The following CDH4 variants were observed in gnomAD, a reference collection of about 807,000 sequenced individuals.
The protein encoded by CDH4 is cadherin 4, also known as cadherin-4.
In CDH4, 33 loss-of-function variants were observed where a neutral mutation model predicts 86.0. The ratio of observed to expected loss-of-function variants is 0.38; its 90% confidence interval spans 0.29 to 0.51. CDH4 has a LOEUF of 0.51. CDH4 is among the 20% of genes least tolerant of loss of function. The pLI, the probability that CDH4 is intolerant of heterozygous loss-of-function variation, is 0.86. For synonymous variants in CDH4, 555 were observed against 549.4 expected (o/e 1.01, Z -0.14); for missense variants, 1,114 against 1,307.4 (o/e 0.85, Z 2.28).
rs558926708 is a variant in CDH4 at position 61,891,422 on chromosome 20, AG to A, written c.1051-3487del. Among the ~76,000 whole-genome samples, 25 of 152,232 alleles carry A rather than the reference AG, an allele frequency of 1.6e-4. No homozygotes were observed. In the South Asian group the frequency reaches 5.2e-3, roughly 32 times the overall value. On this transcript the variant is annotated intron_variant, in intron 7 of 15. Coordinates refer to ENST00000614565, the MANE Select transcript of CDH4 (RefSeq NM_001794.5). ...GGAACCCTCTCCTGCAGGGGGCCTG[AG>A]CCGCCCACTCTCCCCGGCCCTGCAG...
intron 2 of CDH4, among the ~76,000 whole-genome samples, chr20:61,374,551 A>G (rs949430054): frequency 6.6e-6 from 1 of 152,162 alleles, no homozygotes; most frequent in Non-Finnish European, 1.5e-5. Flanking sequence ...AGATGGGATG[A>G]CGGTAGTACC....
At chr20:61,355,026 G>A (rs1045581535) in intron 2 of CDH4, among the ~76,000 whole-genome samples, 1 of 148,390 alleles carries the variant, frequency 6.7e-6, no homozygotes, top group Non-Finnish European at 1.5e-5. Context: ...AATTCTTGCT[G>A]GCTTTGGGGT....
intron 2 of CDH4, among the ~76,000 whole-genome samples, chr20:61,699,172 T>TCC (rs2087746517): frequency 2.6e-5 from 4 of 152,272 alleles, no homozygotes; most frequent in African/African-American, 9.6e-5. Flanking sequence ...ACAGGCGCTC[T>TCC]GACCTTCTCC....
At chr20:61,490,241 A>G (rs986693438) in intron 2 of CDH4, among the ~76,000 whole-genome samples, 4 of 152,202 alleles carry the variant, frequency 2.6e-5, no homozygotes, top group African/African-American at 9.6e-5. Flanking sequence ...ACTGGGGTTC[A>G]TCCATGTGGT....
intron 8 of CDH4, among the ~76,000 whole-genome samples, chr20:61,909,228 C>T (rs999708541): frequency 3.9e-5 from 6 of 152,232 alleles, no homozygotes; most frequent in African/African-American, 1.2e-4. Flanking sequence ...GATGCTCCAG[C>T]GCCCGTCCTG....
At chr20:61,840,895 G>A (rs1982132965) in intron 4 of CDH4, among the ~76,000 whole-genome samples, 1 of 152,258 alleles carries the variant, frequency 6.6e-6, no homozygotes, top group Admixed American at 6.5e-5. Flanking sequence ...GGCCAAACGG[G>A]CCTGGAGAAT....
chr20:61,672,413 C>A (rs191248791), intron 2 of CDH4, among the ~76,000 whole-genome samples: 1 of 152,144 alleles, frequency 6.6e-6, no homozygotes, highest in Non-Finnish European at 1.5e-5. Context: ...TTATGCAAAG[C>A]CCAGTCCATC....
At chr20:61,555,389 T>C (rs2086169958) in intron 2 of CDH4, among the ~76,000 whole-genome samples, 1 of 152,194 alleles carries the variant, frequency 6.6e-6, no homozygotes, top group Non-Finnish European at 1.5e-5. Flanking sequence ...TGCAGGTAAC[T>C]GGGTGGGACC....
At position 61,662,443 on chromosome 20, in the gene CDH4, C is replaced by T. The variant is rs147489950; in HGVS notation, c.170-81120C>T. Among the ~76,000 whole-genome samples, 967 of 152,370 alleles carry T rather than the reference C, an allele frequency of 6.3e-3. 7 individuals carry two copies. Among genetic ancestry groups the T allele is most frequent in the Admixed American group, 0.011 (173 of 15,310 alleles). ...CAGCTCCGTGCGCGGCTTCACCATTCCGAGCTTGGGAGGACGAGGGCGGCT... is the reference window on the plus strand; with the variant it reads ...CAGCTCCGTGCGCGGCTTCACCATTTCGAGCTTGGGAGGACGAGGGCGGCT... On this transcript the variant is annotated intron_variant, in intron 2 of 15. Transcript: ENST00000614565.
intron 2 of CDH4, among the ~76,000 whole-genome samples, chr20:61,640,655 G>A (rs1229717459): frequency 1.3e-5 from 2 of 152,212 alleles, no homozygotes; most frequent in African/African-American, 4.8e-5. Flanking sequence ...GACTGGAGAT[G>A]CATCTTTAAG....
At chr20:61,898,330 C>T (rs903964922) in intron 8 of CDH4, among the ~76,000 whole-genome samples, 1 of 152,240 alleles carries the variant, frequency 6.6e-6, no homozygotes, top group Non-Finnish European at 1.5e-5. Context: ...AAGTTATTTT[C>T]CCTTCACTGG....
At chr20:61,924,509 G>A in intron 11 of CDH4, 33 bp downstream of exon 11, 1 of 1,601,008 alleles carries the variant, frequency 6.2e-7, no homozygotes, top group South Asian at 1.1e-5. Flanking sequence ...AGCCGTCTCG[G>A]TGGCCTTCCC....
At chr20:61,674,633 A>G (rs1568748264) in intron 2 of CDH4, among the ~76,000 whole-genome samples, 1 of 152,234 alleles carries the variant, frequency 6.6e-6, no homozygotes, top group Admixed American at 6.5e-5. Flanking sequence ...AACAGGCAAC[A>G]TCCTTGTTAA....
Position 61,544,191 on chromosome 20 carries a change from G to A in CDH4, c.170-199372G>A, listed in dbSNP as rs2086060129. On this transcript the variant is annotated intron_variant, in intron 2 of 15. Coordinates refer to ENST00000614565, the MANE Select transcript of CDH4 (RefSeq NM_001794.5). This position sits in a 1 kb window ranked among gnomAD's most constrained non-coding sequence, Gnocchi z 6.5. ...TCTGCGGTTCTCTTTCAGAGATGAT[G>A]CTGCCCCGTCTCCCCAGGGGACCTC... Among the ~76,000 whole-genome samples the A allele has an allele frequency of 6.6e-6, 1 of 152,182 alleles. No homozygotes were observed. The highest frequency in any genetic ancestry group is 1.5e-5 in the Non-Finnish European group (1 of 68,036).
chr20:61,678,069 A>G, intron 2 of CDH4, among the ~76,000 whole-genome samples: 1 of 152,134 alleles, frequency 6.6e-6, no homozygotes. Context: ...TAGATGCTGC[A>G]TGCATACACA....
intron 2 of CDH4, among the ~76,000 whole-genome samples, chr20:61,531,047 C>G (rs2085947665): frequency 6.7e-6 from 1 of 149,456 alleles, no homozygotes; most frequent in Non-Finnish European, 1.5e-5. Flanking sequence ...AAATTCGGTA[C>G]ACAGAGCTGC....
chr20:61,664,007 GA>G (rs925737474), intron 2 of CDH4, among the ~76,000 whole-genome samples: 1 of 152,174 alleles, frequency 6.6e-6, no homozygotes, highest in African/African-American at 2.4e-5. Flanking sequence ...GCACCATGAA[GA>G]CCAGGCCTGG....
At chr20:61,929,398 A>G (rs559292108) in intron 12 of CDH4, among the ~76,000 whole-genome samples, 1 of 152,318 alleles carries the variant, frequency 6.6e-6, no homozygotes, top group East Asian at 1.9e-4. Flanking sequence ...TCAGCCTCCC[A>G]AAGTGCTGGG....
At chr20:61,839,312 CTG>C (rs1007550618) in intron 4 of CDH4, among the ~76,000 whole-genome samples, 2 of 151,300 alleles carry the variant, frequency 1.3e-5, no homozygotes, top group African/African-American at 2.4e-5. Context: ...GTATTGTGTT[CTG>C]TGTGTGTGTG....
Sources: gnomAD v4.1 joint callset for allele counts (sites outside exome capture counted in the v4.1 genomes callset) on GRCh38, gnomAD v4.1.1 for gene constraint, Gnocchi (gnomAD v3.1) non-coding constraint, MANE v1.5 for transcripts, NCBI Gene and HGNC (gene_info 2026-07-23, HGNC 2026-07-21) for gene names.